POU6F1: variants seen among roughly 807,000 people sequenced by gnomAD.
POU6F1 encodes the protein POU class 6 homeobox 1, also known as POU domain, class 6, transcription factor 1.
POU6F1 carries 9 observed loss-of-function variants against 28.9 expected under a neutral mutation model. The observed-to-expected ratio is 0.31, with a 90% CI of 0.19 to 0.54. The LOEUF (loss-of-function observed/expected upper bound fraction) is 0.54. Among genes scored for constraint, POU6F1 ranks in the 20% least tolerant of loss-of-function variants. The probability of loss-of-function intolerance (pLI) is 0.94; values close to 1 mark genes in which losing one functional copy is unlikely to be tolerated. For missense variants in POU6F1, 338 were observed against 426.1 expected, an observed-to-expected ratio of 0.79 and a Z score of 1.82; for synonymous variants, 173 against 171.1, an observed-to-expected ratio of 1.01 and a Z score of -0.09.
At chr12:51,211,064 T>TG (rs1943953126) in intron 1 of POU6F1, among the ~76,000 whole-genome samples, 1 of 152,230 alleles carries the variant, frequency 6.6e-6, no homozygotes, top group African/African-American at 2.4e-5. Flanking sequence ...TTGGTTCCAG[T>TG]GACTAGACAG....
chr12:51,196,921 C>A lies in POU6F1; in HGVS notation c.853G>T (p.Ala285Ser). 1 of 1,572,832 alleles carries A rather than the reference C, an allele frequency of 6.4e-7. No individual in the cohort carries two copies. Among genetic ancestry groups the A allele is most frequent in the South Asian group, 1.1e-5 (1 of 89,570 alleles). Reference protein sequence around the residue: ...GFAFSPGIISAASLGGQTQIL... With the variant: ...GFAFSPGIISSASLGGQTQIL... ...TGGGTCTGTCCCCCGAGGGAAGCAGCACTGATCTGTGGGTGGAGGAAGAGC... is the reference window on the plus strand; with the variant it reads ...TGGGTCTGTCCCCCGAGGGAAGCAGAACTGATCTGTGGGTGGAGGAAGAGC... Residue 285 changes from alanine to serine, a missense_variant, in exon 7 of 11, where the codon GCT becomes TCT. Transcript: ENST00000333640.
intron 3 of POU6F1, among the ~76,000 whole-genome samples, chr12:51,201,380 C>G (rs899736261): frequency 8.6e-5 from 13 of 151,824 alleles, no homozygotes; most frequent in Middle Eastern, 3.2e-3. Flanking sequence ...ATTTCTAACT[C>G]CAGAAAAAAA....
At chr12:51,202,497 T>G (rs966153766) in intron 3 of POU6F1, 1 of 152,082 alleles carries the variant, frequency 6.6e-6, no homozygotes, top group African/African-American at 2.4e-5. Flanking sequence ...GCTAATTTAT[T>G]TATTTATTTT....
intron 4 of POU6F1, among the ~76,000 whole-genome samples, 193 bp from the exon 5 acceptor site, chr12:51,198,968 G>T (rs1943026060): frequency 6.6e-6 from 1 of 152,206 alleles, no homozygotes. Flanking sequence ...TGCCTGGACC[G>T]ACTATCCTGC....
intron 2 of POU6F1, among the ~76,000 whole-genome samples, chr12:51,205,769 G>C (rs1475306500): frequency 1.3e-5 from 2 of 151,876 alleles, no homozygotes; most frequent in Non-Finnish European, 2.9e-5. Context: ...CCCTATGAGG[G>C]GCTTCACTCC....
chr12:51,208,836 T>C (rs566943771), intron 1 of POU6F1, among the ~76,000 whole-genome samples: 1 of 151,914 alleles, frequency 6.6e-6, no homozygotes, highest in East Asian at 1.9e-4. Flanking sequence ...ACTCAGGAGA[T>C]TGAGGCAGGA....
At chr12:51,198,841 C>T (rs1280259040) in intron 4 of POU6F1, 66 bp from the exon 5 acceptor site, 9 of 398,154 alleles carry the variant, frequency 2.3e-5, no homozygotes, top group Admixed American at 8.8e-5. Context: ...ACAGCGCAAA[C>T]ACTGGGTCTC....
At chr12:51,212,061 C>T (rs910301101) in intron 1 of POU6F1, among the ~76,000 whole-genome samples, 7 of 143,050 alleles carry the variant, frequency 4.9e-5, no homozygotes, top group Admixed American at 3.0e-4. Flanking sequence ...CCTTGCCTTT[C>T]GTTTTTTTTT....
At chr12:51,198,312 G>A in intron 5 of POU6F1, 1 of 396,732 alleles carries the variant, frequency 2.5e-6, no homozygotes, top group South Asian at 1.4e-4. Context: ...GGGGAGAGGG[G>A]CAGTCTCAGA....
In POU6F1 at chr12:51,190,364, C is replaced by A; in HGVS notation, c.1719G>T (p.Glu573Asp). 4.3e-6 allele frequency: 7 copies of A among 1,614,190 alleles called. No individual in the cohort carries two copies. Among genetic ancestry groups the A allele is most frequent in the Non-Finnish European group, 5.1e-6 (6 of 1,180,036 alleles). Residue 573 changes from glutamate to aspartate, a missense_variant, in exon 11 of 11, where the codon GAG becomes GAT. This residue lies in a region of POU6F1 where 126 missense variants were observed against 176.5 expected (regional missense o/e 0.71). Coordinates refer to ENST00000333640, the MANE Select transcript of POU6F1 (RefSeq NM_001330422.2). This position sits in a 1 kb window ranked among gnomAD's most constrained non-coding sequence, Gnocchi z 4.5. Reference sequence around the variant, plus strand: ...TGAGCTCCTTAGCAATTTCAGTGATCTCCTGGCCTGTGGGCAGTGGGTTCT... The same window carrying A: ...TGAGCTCCTTAGCAATTTCAGTGATATCCTGGCCTGTGGGCAGTGGGTTCT... ...FEKNPLPTGQEITEIAKELNY... is the reference protein window; with the variant it reads ...FEKNPLPTGQDITEIAKELNY...
chr12:51,189,506 G>C lies in POU6F1; in HGVS notation c.*741C>G, dbSNP rs1316524478. 6.6e-6 allele frequency: 1 copy of C among 152,228 alleles called. No homozygotes were observed. Among genetic ancestry groups the C allele is most frequent in the Non-Finnish European group, 1.5e-5 (1 of 68,060 alleles). The allele number at this position is 152,228 out of a possible 1,614,324, so 9.4% of individuals were successfully genotyped here. A position where few individuals can be genotyped will look rare whatever the true frequency, so the allele number is the denominator to read the frequency against. ...CTTCTGCAGACCCAGGAGAACTCCAGAACAGGTAGAGTTCACTGTTGCTTC... is the reference window on the plus strand; with the variant it reads ...CTTCTGCAGACCCAGGAGAACTCCACAACAGGTAGAGTTCACTGTTGCTTC... On this transcript the variant is annotated 3_prime_UTR_variant, in exon 11 of 11. Coordinates refer to ENST00000333640, the MANE Select transcript of POU6F1 (RefSeq NM_001330422.2).
chr12:51,190,225 A>G lies in POU6F1; in HGVS notation c.*22T>C. 1 of 1,610,982 alleles carries G rather than the reference A, an allele frequency of 6.2e-7. No homozygotes were observed. Among genetic ancestry groups the G allele is most frequent in the Non-Finnish European group, 8.5e-7 (1 of 1,178,302 alleles). On this transcript the variant is annotated 3_prime_UTR_variant, in exon 11 of 11. Coordinates refer to ENST00000333640, the MANE Select transcript of POU6F1 (RefSeq NM_001330422.2). This position sits in a 1 kb window ranked among gnomAD's most constrained non-coding sequence, Gnocchi z 4.5. ...CACGGGAAATGGACAAAGTGCTAGA[A>G]CACAGGGCCAGGGGCTGAGCCCTAA...
chr12:51,195,939 C>CCG, intron 8 of POU6F1, 31 bp downstream of exon 8: 1 of 396,644 alleles, frequency 2.5e-6, no homozygotes, highest in Non-Finnish European at 4.9e-6. Flanking sequence ...GCAGAGCCTG[C>CCG]CCCACCCCCC....
rs549887004 is a variant in POU6F1, at chr12:51,199,646, C to A, written c.366+101G>T. 1.3e-5 allele frequency: 5 copies of A among 398,876 alleles called. No homozygotes were observed. In the South Asian group the frequency reaches 6.5e-4, roughly 52 times the overall value. 24.7% of individuals were successfully genotyped at this position (398,876 alleles called of 1,614,324 possible). A position where few individuals can be genotyped will look rare whatever the true frequency, so the allele number is the denominator to read the frequency against. ...AAGCCATAGCCCCTTCCCTGTCCTG[C>A]CCCCATGAAGTTCCCAGATTCCATG... On this transcript the variant is annotated intron_variant, in intron 4 of 10. Transcript: ENST00000333640. The surrounding 1 kb of genome is among the most constrained non-coding windows in gnomAD (Gnocchi z 4.1).
At chr12:51,193,332 T>C (rs1274315961) in intron 8 of POU6F1, among the ~76,000 whole-genome samples, 2 of 152,200 alleles carry the variant, frequency 1.3e-5, no homozygotes, top group African/African-American at 4.8e-5. Context: ...TCACGCACTT[T>C]GGGAAGCCAA....
intron 6 of POU6F1, among the ~76,000 whole-genome samples, chr12:51,197,469 G>A (rs1273439988): frequency 6.6e-6 from 1 of 152,174 alleles, no homozygotes; most frequent in African/African-American, 2.4e-5. Context: ...TGACTGCACC[G>A]TAGGGACAGC....
chr12:51,210,108 G>A (rs1943890000), intron 1 of POU6F1, among the ~76,000 whole-genome samples: 1 of 152,070 alleles, frequency 6.6e-6, no homozygotes, highest in South Asian at 2.1e-4. Flanking sequence ...CCCATGGCCA[G>A]CTAATTTTTT....
rs1425471967 is a variant in POU6F1, at chr12:51,187,684, C to T, written c.*2563G>A. ...GAGGAGAAATGGTTTAGTTTTAGCT[C>T]AGCTTTGGGAAGACAAATTTAAATG... On this transcript the variant is annotated 3_prime_UTR_variant, in exon 11 of 11. Coordinates refer to ENST00000333640, the MANE Select transcript of POU6F1 (RefSeq NM_001330422.2). 2 of 152,182 alleles carry T rather than the reference C, an allele frequency of 1.3e-5. No homozygotes were observed. The highest frequency in any genetic ancestry group is 2.9e-5 in the Non-Finnish European group (2 of 68,036). The allele number at this position is 152,182 out of a possible 1,614,324, so 9.4% of individuals were successfully genotyped here.
intron 1 of POU6F1, among the ~76,000 whole-genome samples, chr12:51,214,353 G>C (rs1944178348): frequency 6.6e-6 from 1 of 152,050 alleles, no homozygotes; most frequent in Non-Finnish European, 1.5e-5. Flanking sequence ...AGGAGAGTCA[G>C]TGGCAGATTC....
Sources: allele counts gnomAD v4.1 joint callset (sites outside exome capture counted in the v4.1 genomes callset), GRCh38; gene constraint gnomAD v4.1.1; regional missense constraint gnomAD v4.1.1; non-coding constraint Gnocchi (gnomAD v3.1); transcripts MANE v1.5; gene names NCBI Gene and HGNC (gene_info 2026-07-23, HGNC 2026-07-21).